The following DGKD variants were observed in gnomAD, a reference collection of about 807,000 sequenced individuals.
The protein encoded by DGKD is DAG kinase delta.
In DGKD, 68 loss-of-function variants were observed where a neutral mutation model predicts 154.4. The observed-to-expected ratio is 0.44, with a 90% CI of 0.36 to 0.54. The LOEUF (loss-of-function observed/expected upper bound fraction) is 0.54. Ranked by LOEUF, DGKD falls within the 20% of genes least tolerant of loss-of-function variation. The pLI is 0.00. For missense variants in DGKD, 1,343 were observed against 1,593.6 expected (o/e 0.84, Z 2.68); for synonymous variants, 693 against 638.0 (o/e 1.09, Z -1.30).
intron 1 of DGKD, among the ~76,000 whole-genome samples, chr2:233,368,429 A>C (rs946980039): frequency 1.3e-5 from 2 of 152,060 alleles, no homozygotes; most frequent in Non-Finnish European, 2.9e-5. Context: ...GGAGAATCGC[A>C]TGAACCCAGG....
chr2:233,460,530 C>T (rs1057268736), intron 24 of DGKD, among the ~76,000 whole-genome samples, 185 bp downstream of exon 24: 5 of 152,196 alleles, frequency 3.3e-5, no homozygotes, highest in African/African-American at 9.7e-5. Context: ...TCTTTCAGAA[C>T]TCGCCTGGAG....
chr2:233,469,297 T>C (rs1431382662), intron 29 of DGKD, 74 bp from the exon 30 acceptor site: 1 of 1,327,240 alleles, frequency 7.5e-7, no homozygotes, highest in Non-Finnish European at 1.1e-6. Flanking sequence ...AGGGCCGTTG[T>C]GGCAGGCCTG....
chr2:233,358,705 C>T (rs1701637353), intron 1 of DGKD, among the ~76,000 whole-genome samples: 2 of 152,192 alleles, frequency 1.3e-5, no homozygotes, highest in Admixed American at 1.3e-4. Flanking sequence ...TAAGGTTCAT[C>T]CATGTCATGG....
Position 233,438,433 on chromosome 2 carries a change from G to A in DGKD, c.1085+54G>A, listed in dbSNP as rs1040313558. The A allele has an allele frequency of 6.6e-7, 1 of 1,512,636 alleles. No homozygotes were observed. Among genetic ancestry groups the A allele is most frequent in the Non-Finnish European group, 8.9e-7 (1 of 1,129,758 alleles). 93.7% of individuals were successfully genotyped at this position (1,512,636 alleles called of 1,614,324 possible). On this transcript the variant is annotated intron_variant, in intron 9 of 29. Transcript: ENST00000264057. The surrounding 1 kb of genome is among the most constrained non-coding windows in gnomAD (Gnocchi z 4.1). ...TGGAGTTTTAAAAATTGTGTAGATAGTGTGTGCTTGTTAAAAAAAAAAAGT... is the reference window on the plus strand; with the variant it reads ...TGGAGTTTTAAAAATTGTGTAGATAATGTGTGCTTGTTAAAAAAAAAAAGT...
intron 16 of DGKD, 54 bp from the exon 17 acceptor site, chr2:233,450,868 A>T: frequency 6.4e-7 from 1 of 1,559,574 alleles, no homozygotes; most frequent in Non-Finnish European, 8.8e-7. Flanking sequence ...ACCCCCCAGG[A>T]TTTCACAGTC....
intron 29 of DGKD, among the ~76,000 whole-genome samples, chr2:233,468,980 C>T (rs1339647976): frequency 6.6e-6 from 1 of 152,224 alleles, no homozygotes; most frequent in Non-Finnish European, 1.5e-5. Context: ...TCTTGCAGGC[C>T]CATGCCCCTG....
chr2:233,428,506 A>T (rs576234175), intron 3 of DGKD, among the ~76,000 whole-genome samples: 2 of 152,330 alleles, frequency 1.3e-5, no homozygotes, highest in African/African-American at 4.8e-5. Context: ...ACCGATAGTG[A>T]CAGTGCCCAG....
intron 1 of DGKD, among the ~76,000 whole-genome samples, chr2:233,362,629 C>T (rs901384842): frequency 1.3e-5 from 2 of 151,604 alleles, no homozygotes; most frequent in African/African-American, 2.4e-5. Flanking sequence ...ACAGCCTGGG[C>T]GACAAGAGCG....
chr2:233,364,862 C>T (rs978840085), intron 1 of DGKD, among the ~76,000 whole-genome samples: 1 of 151,950 alleles, frequency 6.6e-6, no homozygotes, highest in Non-Finnish European at 1.5e-5. Flanking sequence ...CCTGACTAGG[C>T]TATTTGAAAG....
rs1441209397 is a variant in DGKD at position 233,449,726 on chromosome 2, G to T, written c.1889-256G>T. On this transcript the variant is annotated intron_variant, in intron 15 of 29. Transcript: ENST00000264057. The surrounding 1 kb of genome is among the most constrained non-coding windows in gnomAD (Gnocchi z 5.3). ...TCCCGCTTGCAGCCCTCCAGCCTGC[G>T]CCAGGCTCCTCTGCATCCCTTGCCT... Among the ~76,000 whole-genome samples the T allele has an allele frequency of 6.6e-6, 1 of 152,102 alleles. No homozygotes were observed. Among genetic ancestry groups the T allele is most frequent in the Admixed American group, 6.5e-5 (1 of 15,274 alleles).
intron 3 of DGKD, among the ~76,000 whole-genome samples, chr2:233,394,690 C>CTTTTTTTTTTTTTTTTTTTTT (rs1703879704): frequency 1.2e-5 from 1 of 83,252 alleles, no homozygotes; most frequent in Non-Finnish European, 2.3e-5. Context: ...AATTTAATTC[C>CTTTTTTTTTTTTTTTTTTTTT]CTTTTTTTTT....
In DGKD at chr2:233,450,932, T is replaced by G; in HGVS notation, c.2049T>G (p.Ser683=). ...GCTGTGTTGTTACAGTGTCGAAATCTCCGTGTGAAAAGCTGATCAGCAAAG... is the reference window on the plus strand; with the variant it reads ...GCTGTGTTGTTACAGTGTCGAAATCGCCGTGTGAAAAGCTGATCAGCAAAG... ...KGRSQRKVSK[S]PCEKLISKGS... The change falls in exon 17 of 30, where the codon TCT becomes TCG. Residue 683 remains serine, a synonymous_variant. Transcript: ENST00000264057. 1 of 1,601,730 alleles carries G rather than the reference T, an allele frequency of 6.2e-7. No homozygotes were observed. Among genetic ancestry groups the G allele is most frequent in the African/African-American group, 1.3e-5 (1 of 74,834 alleles).
At chr2:233,360,486 G>A (rs2125373993) in intron 1 of DGKD, among the ~76,000 whole-genome samples, 1 of 152,116 alleles carries the variant, frequency 6.6e-6, no homozygotes, top group Non-Finnish European at 1.5e-5. Context: ...TCAAACTCCT[G>A]GGCTCAAGCG....
intron 27 of DGKD, among the ~76,000 whole-genome samples, chr2:233,465,490 A>T (rs948991606): frequency 1.3e-5 from 2 of 152,176 alleles, no homozygotes; most frequent in Non-Finnish European, 2.9e-5. Context: ...GGTGGCTCGC[A>T]CCTGTAATCC....
rs1011940622 is a variant in DGKD at position 233,449,909 on chromosome 2, G to GCC, written c.1889-71_1889-70dup. 6 of 1,491,358 alleles carry GCC rather than the reference G, an allele frequency of 4.0e-6. No homozygotes were observed. The highest frequency in any genetic ancestry group is 4.5e-5 in the Admixed American group (2 of 44,844). 92.4% of individuals were successfully genotyped at this position (1,491,358 alleles called of 1,614,324 possible). A position where few individuals can be genotyped will look rare whatever the true frequency, so the allele number is the denominator to read the frequency against. ...TCAGGCCGTGGGGTGAGGATGAGGGGCCCTCCACCCAGCCTGACAGCGCCC... is the reference window on the plus strand; with the variant it reads ...TCAGGCCGTGGGGTGAGGATGAGGGGCCCCCTCCACCCAGCCTGACAGCGCCC... On this transcript the variant is annotated intron_variant, in intron 15 of 29. Coordinates refer to ENST00000264057, the MANE Select transcript of DGKD (RefSeq NM_152879.3). The surrounding 1 kb of genome is among the most constrained non-coding windows in gnomAD (Gnocchi z 5.3).
intron 3 of DGKD, among the ~76,000 whole-genome samples, chr2:233,404,922 G>C (rs2061647283): frequency 6.6e-6 from 1 of 152,108 alleles, no homozygotes; most frequent in Non-Finnish European, 1.5e-5. Flanking sequence ...ATGAGGGATG[G>C]GGCTGGTTTA....
chr2:233,430,340 C>T (rs528950763), intron 3 of DGKD, among the ~76,000 whole-genome samples: 1 of 152,300 alleles, frequency 6.6e-6, no homozygotes, highest in South Asian at 2.1e-4. Flanking sequence ...AAATTCCCAT[C>T]CATAGGGCGC....
In DGKD at chr2:233,457,144, C is replaced by A; in HGVS notation, c.2473-77C>A. On this transcript the variant is annotated intron_variant, in intron 20 of 29. Coordinates refer to ENST00000264057, the MANE Select transcript of DGKD (RefSeq NM_152879.3). The surrounding 1 kb of genome is among the most constrained non-coding windows in gnomAD (Gnocchi z 5.5). ...CACGGCTGTGCTCCTGAGCCCCTGG[C>A]GGTGGGAAGCTGGTAGAGAAGGAGG... 3.0e-6 allele frequency: 4 copies of A among 1,339,654 alleles called. No individual in the cohort carries two copies. Among genetic ancestry groups the A allele is most frequent in the Non-Finnish European group, 4.1e-6 (4 of 964,948 alleles). 83.0% of individuals were successfully genotyped at this position (1,339,654 alleles called of 1,614,324 possible). A position where few individuals can be genotyped will look rare whatever the true frequency, so the allele number is the denominator to read the frequency against.
chr2:233,369,633 G>A (rs990755208), intron 1 of DGKD, among the ~76,000 whole-genome samples: 8 of 152,100 alleles, frequency 5.3e-5, no homozygotes, highest in South Asian at 2.1e-4. Flanking sequence ...CTTGAATGGC[G>A]TTTGCCAGGC....
Sources: gnomAD v4.1 joint callset for allele counts (sites outside exome capture counted in the v4.1 genomes callset) on GRCh38, gnomAD v4.1.1 for gene constraint, Gnocchi (gnomAD v3.1) non-coding constraint, MANE v1.5 for transcripts, NCBI Gene and HGNC (gene_info 2026-07-23, HGNC 2026-07-21) for gene names.